Variants in PRXL2C observed in about 807,000 individuals in gnomAD.
PRXL2C encodes peroxiredoxin like 2C, also known as peroxiredoxin-like 2C.
Under a neutral mutation model 24.9 loss-of-function variants are expected in PRXL2C, and 38 were observed. The observed-to-expected ratio is 1.53, with a 90% confidence interval of 1.18 to 2.00. The LOEUF is 2.00. PRXL2C is among the 30% of genes most tolerant of loss of function. The pLI, the probability that PRXL2C is intolerant of heterozygous loss-of-function variation, is 0.00. For synonymous variants in PRXL2C, 98 were observed against 117.2 expected (o/e 0.84, Z 1.06); for missense variants, 294 against 290.9 (o/e 1.01, Z -0.08).
chr9:96,644,042 A>G (rs182246602), intron 5 of PRXL2C, among the ~76,000 whole-genome samples: 32 of 151,868 alleles, frequency 2.1e-4, no homozygotes, highest in African/African-American at 7.7e-4. Context: ...CTGAGGCAGG[A>G]AAATCGCTTG....
chr9:96,644,652 A>G (rs1044525035), intron 5 of PRXL2C, among the ~76,000 whole-genome samples: 8 of 150,978 alleles, frequency 5.3e-5, no homozygotes, highest in Non-Finnish European at 1.0e-4. Flanking sequence ...CGCCCGGCTA[A>G]TTTTTTGTAC....
rs531918374 is a variant in PRXL2C, at chr9:96,645,151, C to T, written c.553+742G>A. On this transcript the variant is annotated intron_variant, in intron 5 of 5. Transcript: ENST00000375234. ...GTCTTGATCTCCTGACCTCGTGATC[C>T]GCCCGCCTTGGCCTCCCAAAGTGCT... Among the ~76,000 whole-genome samples the T allele has an allele frequency of 2.6e-5, 4 of 151,634 alleles. No homozygotes were observed. The South Asian group carries it at 8.3e-4, about 32-fold the overall frequency.
At chr9:96,652,657 A>G (rs1236054409) in intron 2 of PRXL2C, among the ~76,000 whole-genome samples, 2 of 152,204 alleles carry the variant, frequency 1.3e-5, no homozygotes, top group Non-Finnish European at 2.9e-5. Flanking sequence ...AAGATGCAAG[A>G]TAAGTGTTGG....
At chr9:96,649,235 T>C (rs1453679411) in intron 4 of PRXL2C, among the ~76,000 whole-genome samples, 1 of 151,876 alleles carries the variant, frequency 6.6e-6, no homozygotes, top group Non-Finnish European at 1.5e-5. Context: ...AGCTCATCAT[T>C]AGTTCTGATC....
rs766099640 is a variant in PRXL2C, at chr9:96,641,879, G to A, written c.561C>T (p.Asn187=). ...GGTLILGPGN[N]IHFIHRDRNR... is the part of the protein sequence containing the mutation. ...TCCTATCGCGGTGTATAAAATGGAT[G>A]TTGTTACCTAGAAGAGAATAAGAAT... The change falls in exon 6 of 6, where the codon AAC becomes AAT. Residue 187 remains asparagine (N), a synonymous_variant. Transcript: ENST00000375234. 1 of 1,498,480 alleles carries A rather than the reference G, an allele frequency of 6.7e-7. No individual in the cohort carries two copies. Among genetic ancestry groups the A allele is most frequent in the Non-Finnish European group, 9.1e-7 (1 of 1,104,498 alleles). 92.8% of individuals were successfully genotyped at this position (1,498,480 alleles called of 1,614,324 possible). A position where few individuals can be genotyped will look rare whatever the true frequency, so the allele number is the denominator to read the frequency against.
intron 2 of PRXL2C, among the ~76,000 whole-genome samples, chr9:96,653,831 T>C (rs539253465): frequency 1.3e-5 from 2 of 151,758 alleles, no homozygotes; most frequent in Admixed American, 6.5e-5. Context: ...TTAAAAACTC[T>C]GTAGCACAGT....
intron 5 of PRXL2C, among the ~76,000 whole-genome samples, chr9:96,644,976 G>A (rs757910715): frequency 7.6e-6 from 1 of 132,086 alleles, no homozygotes; most frequent in Non-Finnish European, 1.5e-5. Flanking sequence ...GTGCGATCTC[G>A]GCGCACTGCA....
intron 5 of PRXL2C, among the ~76,000 whole-genome samples, chr9:96,643,907 G>A (rs1033509209): frequency 4.6e-5 from 7 of 151,992 alleles, no homozygotes; most frequent in Non-Finnish European, 1.0e-4. Flanking sequence ...GGCAGAGGTG[G>A]GCAGATCACG....
chr9:96,653,430 G>C (rs920869719), intron 2 of PRXL2C, among the ~76,000 whole-genome samples: 2 of 152,140 alleles, frequency 1.3e-5, no homozygotes, highest in Admixed American at 6.5e-5. Context: ...GGTTACCAGA[G>C]ACTGGTTACT....
chr9:96,644,117 G>C (rs1465900574), intron 5 of PRXL2C, among the ~76,000 whole-genome samples: 1 of 137,466 alleles, frequency 7.3e-6, no homozygotes, highest in African/African-American at 2.8e-5. Flanking sequence ...TGGTGACAGA[G>C]CAAGGCTCTG....
At chr9:96,647,384 G>A (rs564659319) in intron 4 of PRXL2C, among the ~76,000 whole-genome samples, 34 of 152,104 alleles carry the variant, frequency 2.2e-4, no homozygotes, top group African/African-American at 6.5e-4. Flanking sequence ...CCTAATTTCC[G>A]AATATTTCCA....
intron 1 of PRXL2C, 35 bp downstream of exon 1, chr9:96,655,055 G>A: frequency 6.9e-7 from 1 of 1,458,480 alleles, no homozygotes; most frequent in Non-Finnish European, 9.0e-7. Flanking sequence ...GGGACCCTGG[G>A]CCGCGCTTCC....
chr9:96,645,549 A>G (rs111568967), intron 5 of PRXL2C, among the ~76,000 whole-genome samples: 67 of 151,916 alleles, frequency 4.4e-4, no homozygotes, highest in African/African-American at 9.4e-4. Context: ...TGTAATCCCA[A>G]CACTTTGGGA....
chr9:96,644,884 T>TC (rs1848171191), intron 5 of PRXL2C, among the ~76,000 whole-genome samples: 1 of 65,344 alleles, frequency 1.5e-5, no homozygotes, highest in African/African-American at 1.8e-4. Context: ...ATGGATTCTT[T>TC]TTTTTTTTTT....
Position 96,651,466 on chromosome 9 carries a change from A to C in PRXL2C, c.345T>G (p.His115Gln). ...EPFCKLTGYSHEIYVDPEREI... is the reference protein window; with the variant it reads ...EPFCKLTGYSQEIYVDPEREI... ...CTCTCTCAGGATCGACATAGATTTCATGAGAATATCCAGTCAGCTTGCAAA... is the reference window on the plus strand; with the variant it reads ...CTCTCTCAGGATCGACATAGATTTCCTGAGAATATCCAGTCAGCTTGCAAA... Residue 115 changes from histidine to glutamine, a missense_variant, in exon 4 of 6, where the codon CAT (histidine) becomes CAG (glutamine). By Grantham distance (24) the His-to-Gln change is conservative. Coordinates refer to ENST00000375234, the MANE Select transcript of PRXL2C (RefSeq NM_153698.2). The C allele has an allele frequency of 6.2e-7, 1 of 1,612,838 alleles. No individual in the cohort carries two copies. The highest frequency in any genetic ancestry group is 8.5e-7 in the Non-Finnish European group (1 of 1,179,736).
rs778372814 is a variant in PRXL2C, at chr9:96,640,500, G to C, written c.*1259C>G. 4.8e-4 allele frequency: 49 copies of C among 103,040 alleles called. 1 individual carries two copies. The highest frequency in any genetic ancestry group is 7.6e-4 in the Non-Finnish European group (44 of 57,900). The allele number at this position is 103,040 out of a possible 1,614,324, so 6.4% of individuals were successfully genotyped here. A position where few individuals can be genotyped will look rare whatever the true frequency, so the allele number is the denominator to read the frequency against. ...CCATTGCACTCCAGCCTGGGCGACA[G>C]AGCAAGACTCCATCTCAAAAAAAAA... On this transcript the variant is annotated 3_prime_UTR_variant, in exon 6 of 6. Coordinates refer to ENST00000375234, the MANE Select transcript of PRXL2C (RefSeq NM_153698.2).
At chr9:96,644,468 T>C (rs6477597) in intron 5 of PRXL2C, among the ~76,000 whole-genome samples, 11,630 of 152,176 alleles carry the variant, frequency 0.076, 1,473 homozygotes, top group African/African-American at 0.26. Flanking sequence ...GTGTGGCTTA[T>C]AGTCGGACCT....
chr9:96,645,044 C>T (rs1356218576), intron 5 of PRXL2C, among the ~76,000 whole-genome samples: 1 of 149,854 alleles, frequency 6.7e-6, no homozygotes, highest in Non-Finnish European at 1.5e-5. Flanking sequence ...GTAGCTGGGA[C>T]TACAGGCACC....
intron 5 of PRXL2C, among the ~76,000 whole-genome samples, chr9:96,644,894 T>C (rs1317653166): frequency 5.8e-5 from 6 of 103,236 alleles, no homozygotes; most frequent in African/African-American, 2.0e-4. Flanking sequence ...TTTTTTTTTT[T>C]TTTTTTTTTT....
Sources: gnomAD v4.1 joint callset for allele counts (sites outside exome capture counted in the v4.1 genomes callset) on GRCh38, gnomAD v4.1.1 for gene constraint, MANE v1.5 for transcripts, NCBI Gene and HGNC (gene_info 2026-07-23, HGNC 2026-07-21) for gene names.